The following DLGAP2 variants were observed in gnomAD, a reference collection of about 807,000 sequenced individuals.
DLGAP2 encodes disks large-associated protein 2.
DLGAP2 carries 26 observed loss-of-function variants against 100.3 expected under a neutral mutation model. The observed-to-expected ratio is 0.26, with a 90% CI of 0.19 to 0.36. DLGAP2 has a LOEUF of 0.36. Among genes scored for constraint, DLGAP2 ranks in the 10% least tolerant of loss-of-function variants. The probability of loss-of-function intolerance (pLI) is 1.00; values close to 1 mark genes in which losing one functional copy is unlikely to be tolerated. For synonymous variants in DLGAP2, 886 were observed against 630.1 expected, an observed-to-expected ratio of 1.41 and a Z score of -6.08; for missense variants, 1,858 against 1,453.2, an observed-to-expected ratio of 1.28 and a Z score of -4.53.
chr8:1,443,509 T>C (rs1365437369), intron 3 of DLGAP2, among the ~76,000 whole-genome samples: 1 of 152,200 alleles, frequency 6.6e-6, no homozygotes. Context: ...GCGTGGTGTA[T>C]TCGTCTGTTC....
At chr8:1,282,640 CCCA>C (rs1799840363) in intron 3 of DLGAP2, among the ~76,000 whole-genome samples, 5 of 126,756 alleles carry the variant, frequency 3.9e-5, no homozygotes, top group African/African-American at 3.1e-5. Flanking sequence ...GTGACCTGAA[CCCA>C]GCGCATGAAC....
chr8:880,001 G>T (rs1024595892), intron 1 of DLGAP2, among the ~76,000 whole-genome samples: 6 of 152,128 alleles, frequency 3.9e-5, no homozygotes, highest in Admixed American at 3.9e-4. Flanking sequence ...CAACCAGTGG[G>T]TGCCCTTGTT....
At chr8:1,627,494 A>G (rs185859508) in intron 7 of DLGAP2, among the ~76,000 whole-genome samples, 4 of 152,380 alleles carry the variant, frequency 2.6e-5, no homozygotes, top group Non-Finnish European at 5.9e-5. Flanking sequence ...CTGAGAACGC[A>G]CAGTGAAAAA....
intron 2 of DLGAP2, among the ~76,000 whole-genome samples, chr8:1,145,167 C>T (rs1796585012): frequency 2.0e-5 from 3 of 152,166 alleles, no homozygotes; most frequent in Admixed American, 2.0e-4. Context: ...CAACCAGAAA[C>T]ACAACTTTCC....
At chr8:1,249,392 C>G (rs1798987495) in intron 2 of DLGAP2, among the ~76,000 whole-genome samples, 1 of 152,176 alleles carries the variant, frequency 6.6e-6, no homozygotes, top group South Asian at 2.1e-4. Flanking sequence ...CTTATGTCAT[C>G]TCTTCAGGTG....
At chr8:976,470 G>C (rs1239604797) in intron 2 of DLGAP2, among the ~76,000 whole-genome samples, 2 of 152,126 alleles carry the variant, frequency 1.3e-5, no homozygotes, top group Non-Finnish European at 2.9e-5. Context: ...AAATTAGCTG[G>C]GCGTGGTGGC....
chr8:1,076,538 G>T (rs1489133895), intron 2 of DLGAP2, among the ~76,000 whole-genome samples: 1 of 152,252 alleles, frequency 6.6e-6, no homozygotes, highest in Non-Finnish European at 1.5e-5. Flanking sequence ...TCTGGGCTGT[G>T]ATGCTCCGGC....
At chr8:1,101,475 C>A (rs1417719451) in intron 2 of DLGAP2, among the ~76,000 whole-genome samples, 1 of 152,084 alleles carries the variant, frequency 6.6e-6, no homozygotes, top group Non-Finnish European at 1.5e-5. Flanking sequence ...CAGGAGGCAC[C>A]CAGAGTCTGC....
At chr8:1,144,541 C>T (rs1796573556) in intron 2 of DLGAP2, among the ~76,000 whole-genome samples, 2 of 152,240 alleles carry the variant, frequency 1.3e-5, no homozygotes, top group African/African-American at 2.4e-5. Flanking sequence ...TGTCTCCATC[C>T]TTTCGACCAC....
At chr8:1,257,543 A>G (rs1032903112) in intron 2 of DLGAP2, among the ~76,000 whole-genome samples, 40 of 151,406 alleles carry the variant, frequency 2.6e-4, no homozygotes, top group African/African-American at 9.2e-4. Context: ...TTACTATTTA[A>G]CATCCTGCTT....
At chr8:1,112,364 C>A (rs980771790) in intron 2 of DLGAP2, among the ~76,000 whole-genome samples, 13 of 151,668 alleles carry the variant, frequency 8.6e-5, no homozygotes, top group African/African-American at 2.9e-4. Flanking sequence ...ACTCAGCCTC[C>A]CGATTAGCTG....
intron 1 of DLGAP2, among the ~76,000 whole-genome samples, chr8:791,772 G>A (rs558455398): frequency 3.1e-4 from 47 of 152,284 alleles, no homozygotes; most frequent in African/African-American, 8.2e-4. Context: ...GAGAGAACCC[G>A]TTATGCCTCC....
At chr8:1,565,506 A>AT in intron 5 of DLGAP2, 177 bp from the exon 6 acceptor site, 1 of 572,714 alleles carries the variant, frequency 1.7e-6, no homozygotes, top group Non-Finnish European at 3.0e-6. Flanking sequence ...AAAAACCAAC[A>AT]TTTTTATATT....
intron 2 of DLGAP2, among the ~76,000 whole-genome samples, chr8:916,788 GA>G (rs1170918111): frequency 6.6e-6 from 1 of 152,242 alleles, no homozygotes; most frequent in Non-Finnish European, 1.5e-5. Flanking sequence ...TTGGGCAGTG[GA>G]AGTGAAAATG....
chr8:1,082,085 C>G (rs554910938), intron 2 of DLGAP2, among the ~76,000 whole-genome samples: 2 of 152,170 alleles, frequency 1.3e-5, no homozygotes, highest in Non-Finnish European at 1.5e-5. Flanking sequence ...CGTGTGATGT[C>G]TGCCCTACAT....
At chr8:1,135,948 A>T (rs149582800) in intron 2 of DLGAP2, among the ~76,000 whole-genome samples, 1 of 152,218 alleles carries the variant, frequency 6.6e-6, no homozygotes, top group Non-Finnish European at 1.5e-5. Flanking sequence ...ACTGCTTTAC[A>T]GTTTACCTCT....
chr8:1,462,883 T>A lies in DLGAP2; in HGVS notation c.107-38483T>A, dbSNP rs146427091. The stretch of plus-strand genomic sequence containing the variant: ...TGAAACGATTAGTTCAAGAAGGAAA[T>A]GTTACTTCCCAGCAAATGGCTCAAA... On this transcript the variant is annotated intron_variant, in intron 3 of 14. Coordinates refer to ENST00000637795, the MANE Select transcript of DLGAP2 (RefSeq NM_001346810.2). Among the ~76,000 whole-genome samples, 412 of 152,336 alleles carry A rather than the reference T, an allele frequency of 2.7e-3. 3 individuals are homozygous for A. The highest frequency in any genetic ancestry group is 9.4e-3 in the African/African-American group (390 of 41,582).
At chr8:1,180,861 C>T (rs536731245) in intron 2 of DLGAP2, among the ~76,000 whole-genome samples, 3 of 96,320 alleles carry the variant, frequency 3.1e-5, no homozygotes, top group Non-Finnish European at 4.8e-5. Context: ...CACTTACCGT[C>T]GAATGTGGTG....
chr8:1,547,424 GGA>G (rs972984626), intron 4 of DLGAP2, among the ~76,000 whole-genome samples: 13 of 152,094 alleles, frequency 8.5e-5, no homozygotes, highest in African/African-American at 3.1e-4. Flanking sequence ...AGGGGGAGAG[GGA>G]GAGAGAGGAG....
Sources: allele counts gnomAD v4.1 joint callset (sites outside exome capture counted in the v4.1 genomes callset), GRCh38; gene constraint gnomAD v4.1.1; transcripts MANE v1.5; gene names NCBI Gene and HGNC (gene_info 2026-07-23, HGNC 2026-07-21).